Variants in EPHA3 observed in about 807,000 individuals in gnomAD.
EPHA3 encodes EPH receptor A3, also known as ephrin type-A receptor 3.
Under a neutral mutation model 107.1 loss-of-function variants are expected in EPHA3, and 42 were observed. The observed-to-expected ratio is 0.39, with a 90% CI of 0.31 to 0.51. The LOEUF is 0.51. EPHA3 is among the 20% of genes least tolerant of loss of function. The probability of loss-of-function intolerance (pLI) is 0.78; values close to 1 mark genes in which losing one functional copy is unlikely to be tolerated. For missense variants in EPHA3, 1,183 were observed against 1,211.2 expected (o/e 0.98, Z 0.35); for synonymous variants, 461 against 424.8 (o/e 1.09, Z -1.05).
intron 5 of EPHA3, among the ~76,000 whole-genome samples, chr3:89,367,225 G>C (rs1381415735): frequency 6.6e-6 from 1 of 150,702 alleles, no homozygotes; most frequent in Non-Finnish European, 1.5e-5. Flanking sequence ...ACTCGCTACA[G>C]GTTCATGCCT....
chr3:89,266,842 C>T (rs1015140681), intron 3 of EPHA3, among the ~76,000 whole-genome samples: 1 of 151,828 alleles, frequency 6.6e-6, no homozygotes, highest in African/African-American at 2.4e-5. Flanking sequence ...GATCACATAC[C>T]AAATACAAAA....
At chr3:89,409,597 A>G (rs1709119217) in intron 9 of EPHA3, among the ~76,000 whole-genome samples, 1 of 152,024 alleles carries the variant, frequency 6.6e-6, no homozygotes, top group African/African-American at 2.4e-5. Flanking sequence ...TTTCAAATGC[A>G]CAATATCCTT....
intron 1 of EPHA3, among the ~76,000 whole-genome samples, chr3:89,117,826 T>C (rs1314082031): frequency 6.6e-6 from 1 of 152,090 alleles, no homozygotes; most frequent in Non-Finnish European, 1.5e-5. Context: ...TCTATAATAT[T>C]CAAAGGTGGC....
chr3:89,144,025 CT>C (rs1704485546), intron 2 of EPHA3, among the ~76,000 whole-genome samples: 2 of 151,682 alleles, frequency 1.3e-5, no homozygotes, highest in East Asian at 3.9e-4. Context: ...TAATTAACAT[CT>C]TGCATTGCTG....
At chr3:89,108,432 C>T (rs978903873) in intron 1 of EPHA3, among the ~76,000 whole-genome samples, 10 of 152,096 alleles carry the variant, frequency 6.6e-5, no homozygotes, top group Non-Finnish European at 1.5e-4. Context: ...CAGCATATGC[C>T]ACATTAACGT....
At chr3:89,393,768 T>A (rs1708790827) in intron 5 of EPHA3, among the ~76,000 whole-genome samples, 1 of 139,124 alleles carries the variant, frequency 7.2e-6, no homozygotes, top group Non-Finnish European at 1.6e-5. Context: ...AGTATTAAAG[T>A]AAGCAAAAAT....
chr3:89,359,042 T>C (rs1035883980), intron 5 of EPHA3, among the ~76,000 whole-genome samples: 11 of 151,260 alleles, frequency 7.3e-5, no homozygotes, highest in Admixed American at 6.0e-4. Context: ...ATTAAGCTTA[T>C]TGTTATTAGT....
intron 3 of EPHA3, among the ~76,000 whole-genome samples, chr3:89,211,002 C>G (rs1704063334): frequency 6.6e-6 from 1 of 152,000 alleles, no homozygotes; most frequent in Non-Finnish European, 1.5e-5. Flanking sequence ...ATCTGGGTAT[C>G]AAATACATGT....
At chr3:89,454,070 C>T (rs1310321451) in intron 15 of EPHA3, among the ~76,000 whole-genome samples, 1 of 152,108 alleles carries the variant, frequency 6.6e-6, no homozygotes, top group Non-Finnish European at 1.5e-5. Flanking sequence ...ACCTATTACA[C>T]ATACAAATAT....
At chr3:89,467,680 T>C (rs1463375823) in intron 15 of EPHA3, among the ~76,000 whole-genome samples, 3 of 152,170 alleles carry the variant, frequency 2.0e-5, no homozygotes. Context: ...GAAGAAAATA[T>C]ATATGTACCT....
intron 2 of EPHA3, among the ~76,000 whole-genome samples, chr3:89,149,159 G>A (rs1199723417): frequency 6.6e-6 from 1 of 151,934 alleles, no homozygotes; most frequent in Non-Finnish European, 1.5e-5. Context: ...TTTATAGAGT[G>A]CTGGTTTCTA....
At chr3:89,255,972 A>G (rs1397297328) in intron 3 of EPHA3, among the ~76,000 whole-genome samples, 1 of 152,114 alleles carries the variant, frequency 6.6e-6, no homozygotes, top group African/African-American at 2.4e-5. Context: ...ACCTGTCTGT[A>G]TACCCAGCAT....
chr3:89,308,714 A>T (rs1706691626), intron 3 of EPHA3, among the ~76,000 whole-genome samples: 1 of 152,018 alleles, frequency 6.6e-6, no homozygotes, highest in South Asian at 2.1e-4. Context: ...AGTTGGTTAT[A>T]GTCAGTATAA....
chr3:89,293,091 G>T (rs538686042), intron 3 of EPHA3, among the ~76,000 whole-genome samples: 1 of 152,194 alleles, frequency 6.6e-6, no homozygotes, highest in African/African-American at 2.4e-5. Context: ...TTTCCATAAA[G>T]CTAATGATGT....
chr3:89,316,456 C>T (rs1298475521), intron 3 of EPHA3, among the ~76,000 whole-genome samples: 1 of 143,396 alleles, frequency 7.0e-6, no homozygotes, highest in Admixed American at 7.2e-5. Flanking sequence ...AGAGGTCTTT[C>T]AGAGTATACA....
intron 3 of EPHA3, among the ~76,000 whole-genome samples, chr3:89,219,233 G>A (rs1338287317): frequency 6.6e-6 from 1 of 151,674 alleles, no homozygotes; most frequent in South Asian, 2.1e-4. Context: ...GCAGGATCTC[G>A]GCTCACCGCA....
intron 2 of EPHA3, among the ~76,000 whole-genome samples, chr3:89,157,672 G>T (rs1280780067): frequency 1.3e-5 from 2 of 151,876 alleles, no homozygotes; most frequent in African/African-American, 4.8e-5. Context: ...AACTCTCTGC[G>T]GGCTGATGAT....
chr3:89,276,852 C>A (rs1446254085), intron 3 of EPHA3, among the ~76,000 whole-genome samples: 1 of 152,104 alleles, frequency 6.6e-6, no homozygotes, highest in Admixed American at 6.6e-5. Flanking sequence ...TTGAAGCTAT[C>A]CAGCTGCAGT....
chr3:89,348,502 C>T (rs1357059832), intron 5 of EPHA3, among the ~76,000 whole-genome samples: 1 of 130,690 alleles, frequency 7.7e-6, no homozygotes, highest in African/African-American at 3.3e-5. Flanking sequence ...TGATTCTTCT[C>T]TCTTTTTTTC....
Sources: gnomAD v4.1 joint callset for allele counts (sites outside exome capture counted in the v4.1 genomes callset) on GRCh38, gnomAD v4.1.1 for gene constraint, MANE v1.5 for transcripts, NCBI Gene and HGNC (gene_info 2026-07-23, HGNC 2026-07-21) for gene names.